The following GSN variants were observed in gnomAD, a reference collection of about 807,000 sequenced individuals.
The protein encoded by GSN is actin-depolymerizing factor.
GSN carries 56 observed loss-of-function variants against 85.7 expected under a neutral mutation model. The ratio of observed to expected loss-of-function variants is 0.65; its 90% CI spans 0.53 to 0.82. GSN has a LOEUF of 0.82. Among genes scored for constraint, GSN ranks in the 40% least tolerant of loss-of-function variants. The pLI is 0.00. For missense variants in GSN, 857 were observed against 979.8 expected, an observed-to-expected ratio of 0.87 and a Z score of 1.67; for synonymous variants, 373 against 399.1, an observed-to-expected ratio of 0.93 and a Z score of 0.78.
chr9:121,238,083 A>T (rs2054532621), intron 5 of GSN: 1 of 152,312 alleles, frequency 6.6e-6, no homozygotes, highest in Non-Finnish European at 1.5e-5. Context: ...CCAGCATTTC[A>T]CAAGTATATT....
At position 121,261,484 on chromosome 9, in the gene GSN, G is replaced by A. The variant is rs996112878; in HGVS notation, c.-340-3670G>A. ...GTCCCAGCTCTGCCATTCCCTAGTTGTGAAATGTAAATAAGAGATTTCACC... is the reference window on the plus strand; with the variant it reads ...GTCCCAGCTCTGCCATTCCCTAGTTATGAAATGTAAATAAGAGATTTCACC... On this transcript the variant is annotated intron_variant, in intron 6 of 24. Coordinates refer to the GSN transcript ENST00000373823. This position sits in a 1 kb window ranked among gnomAD's most constrained non-coding sequence, Gnocchi z 4.1. 2.0e-5 allele frequency among the ~76,000 whole-genome samples: 3 copies of A among 152,254 alleles called. No homozygotes were observed. Among genetic ancestry groups the A allele is most frequent in the Non-Finnish European group, 4.4e-5 (3 of 68,046 alleles).
chr9:121,227,380 C>T (rs192884745), intron 4 of GSN, among the ~76,000 whole-genome samples: 42 of 150,470 alleles, frequency 2.8e-4, no homozygotes, highest in African/African-American at 5.1e-4. Context: ...GGCAACAGAG[C>T]GAGACTCCAT....
At position 121,326,760 on chromosome 9, in the gene GSN, C is replaced by T. The variant is rs568605467; in HGVS notation, c.1587+78C>T. ...AGCTCAATGACCAGATCTCCAGGCACAGGAACGGGGGCAGGGGATGGTGAA... is the reference window on the plus strand; with the variant it reads ...AGCTCAATGACCAGATCTCCAGGCATAGGAACGGGGGCAGGGGATGGTGAA... On this transcript the variant is annotated intron_variant, in intron 13 of 17. Coordinates refer to ENST00000432226, the MANE Select transcript of GSN (RefSeq NM_198252.3). 15 of 1,243,694 alleles carry T rather than the reference C, an allele frequency of 1.2e-5. No individual in the cohort carries two copies. In the East Asian group the frequency reaches 1.6e-4, roughly 13 times the overall value. 77.0% of individuals were successfully genotyped at this position (1,243,694 alleles called of 1,614,324 possible).
At chr9:121,284,383 G>A (rs905947707) in intron 2 of GSN, 2 of 166,840 alleles carry the variant, frequency 1.2e-5, no homozygotes, top group African/African-American at 4.8e-5. Context: ...GCATTTTTTA[G>A]TTTACCCGGC....
chr9:121,312,525 C>G, intron 6 of GSN, 37 bp downstream of exon 6: 1 of 1,558,572 alleles, frequency 6.4e-7, no homozygotes, highest in Non-Finnish European at 8.7e-7. Flanking sequence ...GCCATGGGGA[C>G]ACGCTGCTCA....
upstream of GSN, among the ~76,000 whole-genome samples, chr9:121,205,350 G>T (rs2053865652): frequency 6.6e-6 from 1 of 152,192 alleles, no homozygotes; most frequent in South Asian, 2.1e-4. Flanking sequence ...AAAGGAGAGG[G>T]GCTCCAAAAG....
At chr9:121,269,925 G>T (rs1037191483) in intron 1 of GSN, among the ~76,000 whole-genome samples, 2 of 152,156 alleles carry the variant, frequency 1.3e-5, no homozygotes, top group Non-Finnish European at 2.9e-5. Flanking sequence ...CTTGCCCTGC[G>T]AGGGGCCAAA....
chr9:121,206,140 CAT>C (rs1266874551), upstream of GSN, among the ~76,000 whole-genome samples: 1 of 152,002 alleles, frequency 6.6e-6, no homozygotes, highest in Non-Finnish European at 1.5e-5. Context: ...TTTATTACCA[CAT>C]GTGTGTTCTA....
At chr9:121,238,465 C>T (rs1245716826) in intron 5 of GSN, among the ~76,000 whole-genome samples, 1 of 152,184 alleles carries the variant, frequency 6.6e-6, no homozygotes, top group Non-Finnish European at 1.5e-5. Flanking sequence ...CTTGGTCCTT[C>T]GACCACAGAC....
chr9:121,278,591 G>A (rs753509076), intron 1 of GSN, among the ~76,000 whole-genome samples: 4 of 152,220 alleles, frequency 2.6e-5, no homozygotes, highest in African/African-American at 4.8e-5. Flanking sequence ...ATTAGAAGGC[G>A]TCTTCTGTTC....
In GSN at chr9:121,310,821, C is replaced by A; in HGVS notation, c.489C>A (p.Asp163Glu). 6.2e-7 allele frequency: 1 copy of A among 1,614,156 alleles called. No homozygotes were observed. Among genetic ancestry groups the A allele is most frequent in the Non-Finnish European group, 8.5e-7 (1 of 1,180,026 alleles). ...CCTGGGAGAGCTTCAACAATGGCGA[C>A]TGCTTCATCCTGGACCTGGGCAACG... ...PVSWESFNNGDCFILDLGNNI... is the reference protein window; with the variant it reads ...PVSWESFNNGECFILDLGNNI... Residue 163 changes from aspartate (D) to glutamate (E), a missense_variant, in exon 5 of 18, where the codon GAC becomes GAA. By Grantham distance (45) the Asp-to-Glu change is conservative. Transcript: ENST00000432226.
At chr9:121,331,684 A>C (rs753602076) in intron 17 of GSN, 3 of 479,048 alleles carry the variant, frequency 6.3e-6, no homozygotes, top group African/African-American at 5.8e-5. Flanking sequence ...CCTCTGTTCC[A>C]GGAGAAGGAA....
chr9:121,205,669 G>T (rs558845261), upstream of GSN, among the ~76,000 whole-genome samples: 101 of 152,284 alleles, frequency 6.6e-4, 2 homozygotes, highest in South Asian at 0.014. Flanking sequence ...CCATCTGCTG[G>T]AAGATATAGC....
chr9:121,270,071 A>G (rs184197360), intron 1 of GSN, among the ~76,000 whole-genome samples: 1 of 152,346 alleles, frequency 6.6e-6, no homozygotes, highest in East Asian at 1.9e-4. Flanking sequence ...GCCAGACCTC[A>G]GAATGAATAA....
At chr9:121,300,065 A>C (rs2059658558) in intron 2 of GSN, 1 of 1,608,888 alleles carries the variant, frequency 6.2e-7, no homozygotes, top group African/African-American at 1.3e-5. Context: ...GTTCTTGCAG[A>C]TACAGCGCTA....
chr9:121,329,628 G>A lies in GSN; in HGVS notation c.1965+313G>A, dbSNP rs1188175694. Among the ~76,000 whole-genome samples, 1 of 152,156 alleles carries A rather than the reference G, an allele frequency of 6.6e-6. No homozygotes were observed. The highest frequency in any genetic ancestry group is 1.5e-5 in the Non-Finnish European group (1 of 68,024). On this transcript the variant is annotated intron_variant, in intron 16 of 17. Transcript: ENST00000432226. This position sits in a 1 kb window ranked among gnomAD's most constrained non-coding sequence, Gnocchi z 4.6. ...GAGCGTGAACTCTTCCTTTAAATCT[G>A]TTGGCAGAGGAAGTTGAACTTAGCA...
In GSN at chr9:121,299,813, C is replaced by A. The variant is rs1481281793; in HGVS notation, c.-9-2150C>A. The stretch of plus-strand genomic sequence containing the variant: ...TGGGCGGGCGGCTACTTAAGGTCGG[C>A]GACCCGAGGCCGCGGCTGCCGACTG... On this transcript the variant is annotated intron_variant, in intron 2 of 17. Transcript: ENST00000432226. This position sits in a 1 kb window ranked among gnomAD's most constrained non-coding sequence, Gnocchi z 4.2. The A allele has an allele frequency of 1.1e-5, 14 of 1,295,372 alleles. No individual in the cohort carries two copies. The highest frequency in any genetic ancestry group is 1.4e-5 in the Non-Finnish European group (14 of 1,015,584). 80.2% of individuals were successfully genotyped at this position (1,295,372 alleles called of 1,614,324 possible). A position where few individuals can be genotyped will look rare whatever the true frequency, so the allele number is the denominator to read the frequency against.
intron 16 of GSN, 72 bp from the exon 17 acceptor site, chr9:121,331,316 C>T: frequency 1.1e-6 from 1 of 920,932 alleles, no homozygotes; most frequent in Non-Finnish European, 1.8e-6. Context: ...CCTGGCCCCT[C>T]CCCAGTCTTC....
chr9:121,273,060 T>C (rs1468671521), intron 1 of GSN, among the ~76,000 whole-genome samples: 4 of 152,196 alleles, frequency 2.6e-5, no homozygotes, highest in Non-Finnish European at 4.4e-5. Flanking sequence ...GGTTAAGGGA[T>C]GAGAACAGTT....
Sources: allele counts gnomAD v4.1 joint callset (sites outside exome capture counted in the v4.1 genomes callset), GRCh38; gene constraint gnomAD v4.1.1; non-coding constraint Gnocchi (gnomAD v3.1); transcripts MANE v1.5; gene names NCBI Gene and HGNC (gene_info 2026-07-23, HGNC 2026-07-21).